ABLIM3: variants seen among roughly 807,000 people sequenced by gnomAD.
The protein encoded by ABLIM3 is actin binding LIM protein family member 3, also known as actin-binding LIM protein 3.
A neutral mutation model predicts 109.5 loss-of-function variants in ABLIM3; 61 were observed. That is an observed-to-expected ratio of 0.56 (90% confidence interval 0.45 to 0.69). The LOEUF (loss-of-function observed/expected upper bound fraction) is 0.69. Among genes scored for constraint, ABLIM3 ranks in the 30% least tolerant of loss-of-function variants. The pLI is 0.00. For synonymous variants in ABLIM3, 300 were observed against 324.8 expected, an observed-to-expected ratio of 0.92 and a Z score of 0.82; for missense variants, 796 against 889.5, an observed-to-expected ratio of 0.89 and a Z score of 1.34.
intron 2 of ABLIM3, among the ~76,000 whole-genome samples, chr5:149,155,145 G>A (rs1297935103): frequency 6.6e-6 from 1 of 152,184 alleles, no homozygotes; most frequent in African/African-American, 2.4e-5. Flanking sequence ...TTTAAACTGT[G>A]TTGGTCTGAC....
intron 7 of ABLIM3, among the ~76,000 whole-genome samples, chr5:149,214,615 G>A (rs1759871269): frequency 6.6e-6 from 1 of 152,160 alleles, no homozygotes; most frequent in Admixed American, 6.5e-5. Context: ...GGAAGAAGGA[G>A]GAAAGAATGA....
At chr5:149,257,785 G>A (rs1300399636) in intron 23 of ABLIM3, among the ~76,000 whole-genome samples, 2 of 152,182 alleles carry the variant, frequency 1.3e-5, no homozygotes, top group African/African-American at 4.8e-5. Flanking sequence ...ACATTTTGGT[G>A]AATCAAAAAT....
rs142500708 is a variant in ABLIM3 at position 149,179,096 on chromosome 5, C to T, written c.14-4356C>T. 1.6e-4 allele frequency among the ~76,000 whole-genome samples: 24 copies of T among 152,256 alleles called. No individual in the cohort carries two copies. In the East Asian group the frequency reaches 4.6e-3, roughly 29 times the overall value. On this transcript the variant is annotated intron_variant, in intron 2 of 23. Coordinates refer to ENST00000309868, the MANE Select transcript of ABLIM3 (RefSeq NM_014945.5). ...TGCTCCTTTTCATTTACCCGGAGGT[C>T]GGTCACACCTCCCCTTCCAATATGT...
At chr5:149,161,620 C>G (rs751644096) in intron 2 of ABLIM3, among the ~76,000 whole-genome samples, 4 of 152,082 alleles carry the variant, frequency 2.6e-5, no homozygotes, top group Admixed American at 2.6e-4. Context: ...GGTATTCTGG[C>G]AGTATTTCTT....
intron 8 of ABLIM3, among the ~76,000 whole-genome samples, chr5:149,221,354 G>C (rs1315118854): frequency 6.6e-6 from 1 of 152,204 alleles, no homozygotes; most frequent in African/African-American, 2.4e-5. Flanking sequence ...AAGAGAGAGA[G>C]AGTGTTGGGA....
intron 2 of ABLIM3, among the ~76,000 whole-genome samples, chr5:149,179,062 C>A (rs1299958211): frequency 1.3e-5 from 2 of 152,156 alleles, no homozygotes; most frequent in Non-Finnish European, 2.9e-5. Context: ...CTGTTGTGTT[C>A]AACTCCCATG....
chr5:149,183,523 A>C lies in ABLIM3; in HGVS notation c.85A>C (p.Thr29Pro), dbSNP rs1165267287. 2.5e-6 allele frequency: 4 copies of C among 1,600,410 alleles called. No homozygotes were observed. In the African/African-American group the frequency reaches 5.4e-5, roughly 22 times the overall value. The part of the protein sequence containing the change: ...NVIQCYRCGD[T>P]CKGEVVRVHN... Reference sequence around the variant, plus strand: ...CATCCAGTGCTACCGCTGTGGAGACACCTGCAAAGGGGAAGTGGTCCGCGT... The same window carrying C: ...CATCCAGTGCTACCGCTGTGGAGACCCCTGCAAAGGGGAAGTGGTCCGCGT... The change falls in exon 3 of 24, where the codon ACC becomes CCC. Residue 29 changes from threonine to proline, a missense_variant. Coordinates refer to ENST00000309868, the MANE Select transcript of ABLIM3 (RefSeq NM_014945.5).
chr5:149,215,566 C>T (rs1759992909), intron 7 of ABLIM3, among the ~76,000 whole-genome samples: 1 of 151,896 alleles, frequency 6.6e-6, no homozygotes. Context: ...AATAGGTCTT[C>T]TTATTATGCA....
chr5:149,252,834 A>G lies in ABLIM3; in HGVS notation c.1935A>G (p.Leu645=). ...RLPKDVDRTR[L]ERHLSQEEFY... ...CCAAGGATGTAGACAGGACCCGTTT[A>G]GAGGTAAGTCTAAAAAACTGAGCAG... Residue 645 remains leucine, a synonymous_variant, in exon 23 of 24, where the codon TTA becomes TTG. Transcript: ENST00000309868. 1 of 1,612,854 alleles carries G rather than the reference A, an allele frequency of 6.2e-7. No individual in the cohort carries two copies. Among genetic ancestry groups the G allele is most frequent in the Non-Finnish European group, 8.5e-7 (1 of 1,179,040 alleles).
At position 149,251,424 on chromosome 5, in the gene ABLIM3, G is replaced by A; in HGVS notation, c.1849+5G>A. ...CAGTCAACTGGGGCATGCGAGGTGA[G>A]TGCAGGCCTGCAGGGGGTCTGCAGG... On this transcript the variant is annotated splice_donor_5th_base_variant and intron_variant, in intron 21 of 23. Coordinates refer to ENST00000309868, the MANE Select transcript of ABLIM3 (RefSeq NM_014945.5). 6.2e-7 allele frequency: 1 copy of A among 1,614,034 alleles called. No homozygotes were observed. The highest frequency in any genetic ancestry group is 8.5e-7 in the Non-Finnish European group (1 of 1,179,996).
chr5:149,206,484 C>A (rs897579017), intron 5 of ABLIM3, among the ~76,000 whole-genome samples: 1 of 152,174 alleles, frequency 6.6e-6, no homozygotes, highest in Admixed American at 6.5e-5. Flanking sequence ...TAGGTTTAAC[C>A]ACAAAATATA....
In ABLIM3 at chr5:149,225,916, CATATATACAT is replaced by C. The variant is rs1334218586; in HGVS notation, c.758-4725_758-4716del. ...CCTTTATGGCTGAGTAGTATTCCAT[CATATATACAT>C]ATATATATATATATGTATGTATGTA... is the stretch of plus-strand genomic sequence containing the variant. On this transcript the variant is annotated intron_variant, in intron 8 of 23. Coordinates refer to ENST00000309868, the MANE Select transcript of ABLIM3 (RefSeq NM_014945.5). Among the ~76,000 whole-genome samples the C allele has an allele frequency of 3.3e-4, 13 of 39,126 alleles. No individual in the cohort carries two copies. In the East Asian group the frequency reaches 7.7e-3, roughly 23 times the overall value. The allele number at this position is 39,126 out of a possible 152,430, so 25.7% of individuals were successfully genotyped here.
At chr5:149,148,034 T>C (rs887158051) in intron 2 of ABLIM3, among the ~76,000 whole-genome samples, 7 of 152,078 alleles carry the variant, frequency 4.6e-5, no homozygotes, top group African/African-American at 1.7e-4. Context: ...ATCCTTCTCA[T>C]GAATTGAGAA....
At chr5:149,247,677 G>A (rs1753512418) in intron 17 of ABLIM3, 105 bp from the exon 18 acceptor site, 25 of 1,442,258 alleles carry the variant, frequency 1.7e-5, no homozygotes, top group Non-Finnish European at 2.3e-5. Flanking sequence ...AAACATGAGA[G>A]CAGGCTGCTA....
chr5:149,176,819 C>T (rs573480657), intron 2 of ABLIM3: 1 of 152,326 alleles, frequency 6.6e-6, no homozygotes, highest in African/African-American at 2.4e-5. Flanking sequence ...CACCCCCAGC[C>T]CACTAACTCT....
chr5:149,235,183 C>T (rs776847201), intron 10 of ABLIM3, among the ~76,000 whole-genome samples: 10 of 152,190 alleles, frequency 6.6e-5, no homozygotes, highest in Middle Eastern at 3.2e-3. Flanking sequence ...AATGACTGAA[C>T]ATGTCATAGA....
At chr5:149,212,688 A>G (rs1344097862) in intron 7 of ABLIM3, among the ~76,000 whole-genome samples, 2 of 152,172 alleles carry the variant, frequency 1.3e-5, no homozygotes, top group African/African-American at 4.8e-5. Context: ...AGAATTATCT[A>G]TTTCTGAGGG....
At chr5:149,208,826 G>A (rs1759270178) in intron 6 of ABLIM3, among the ~76,000 whole-genome samples, 1 of 152,182 alleles carries the variant, frequency 6.6e-6, no homozygotes, top group Admixed American at 6.5e-5. Context: ...AACAAATAAA[G>A]GGCTGTGAAT....
At chr5:149,232,480 G>A (rs1359639058) in intron 9 of ABLIM3, among the ~76,000 whole-genome samples, 4 of 152,062 alleles carry the variant, frequency 2.6e-5, no homozygotes, top group East Asian at 3.8e-4. Flanking sequence ...CAGAACCACC[G>A]CTAGTTCACA....
Sources: gnomAD v4.1 joint callset for allele counts (sites outside exome capture counted in the v4.1 genomes callset) on GRCh38, gnomAD v4.1.1 for gene constraint, MANE v1.5 for transcripts, NCBI Gene and HGNC (gene_info 2026-07-23, HGNC 2026-07-21) for gene names.